The following TMEM123 variants were observed in gnomAD, a reference collection of about 807,000 sequenced individuals.
The protein encoded by TMEM123 is transmembrane protein 123, also known as porimin.
Under a neutral mutation model 19.7 loss-of-function variants are expected in TMEM123, and 16 were observed. That is an observed-to-expected ratio of 0.81 (90% CI 0.55 to 1.23). The LOEUF is 1.23. Among genes scored for constraint, TMEM123 ranks in the 50% most tolerant of loss-of-function variants. The probability of loss-of-function intolerance (pLI) is 0.00; values close to 1 mark genes in which losing one functional copy is unlikely to be tolerated. For synonymous variants in TMEM123, 118 were observed against 99.4 expected (o/e 1.19, Z -1.12); for missense variants, 313 against 257.8 (o/e 1.21, Z -1.47).
chr11:102,418,068 C>T (rs1952055626), intron 2 of TMEM123, among the ~76,000 whole-genome samples: 1 of 22,280 alleles, frequency 4.5e-5, no homozygotes, highest in Non-Finnish European at 9.4e-5. Flanking sequence ...GGGAGGGAAG[C>T]AGAAAAAAAA....
At chr11:102,448,465 C>T (rs1482456788) in intron 2 of TMEM123, 1 of 335,566 alleles carries the variant, frequency 3.0e-6, no homozygotes, top group East Asian at 7.6e-5. Flanking sequence ...TGACTTGTTT[C>T]ATCAATAGGA....
At chr11:102,401,818 A>AT in intron 3 of TMEM123, 98 bp downstream of exon 3, 1 of 1,510,024 alleles carries the variant, frequency 6.6e-7, no homozygotes, top group East Asian at 2.3e-5. Flanking sequence ...CTAGGCATAT[A>AT]AAGTTTCTAT....
At chr11:102,433,104 G>A (rs1038796714) in intron 2 of TMEM123, among the ~76,000 whole-genome samples, 1 of 151,988 alleles carries the variant, frequency 6.6e-6, no homozygotes, top group Non-Finnish European at 1.5e-5. Context: ...CCTCACACAG[G>A]GTCCCCACTG....
At chr11:102,404,661 G>T (rs991901518) in intron 2 of TMEM123, among the ~76,000 whole-genome samples, 1 of 151,984 alleles carries the variant, frequency 6.6e-6, no homozygotes, top group Admixed American at 6.6e-5. Flanking sequence ...GCCGGTGCCT[G>T]CGATCTCGGC....
chr11:102,437,409 G>C (rs149472985), intron 2 of TMEM123, among the ~76,000 whole-genome samples: 135 of 148,404 alleles, frequency 9.1e-4, no homozygotes, highest in Middle Eastern at 3.4e-3. Flanking sequence ...AGTGAGTTGA[G>C]ATCGAGCCAC....
At chr11:102,442,150 G>C (rs1033011131) in intron 2 of TMEM123, among the ~76,000 whole-genome samples, 1 of 152,222 alleles carries the variant, frequency 6.6e-6, no homozygotes, top group Non-Finnish European at 1.5e-5. Flanking sequence ...CACTCCTTCT[G>C]AAACTATTCC....
chr11:102,431,882 A>T (rs1857714116), intron 2 of TMEM123, among the ~76,000 whole-genome samples: 1 of 152,030 alleles, frequency 6.6e-6, no homozygotes, highest in Non-Finnish European at 1.5e-5. Context: ...AGGAGATCTG[A>T]TGGTTTTTTA....
intron 2 of TMEM123, among the ~76,000 whole-genome samples, chr11:102,429,462 C>T (rs572921629): frequency 1.3e-5 from 2 of 152,218 alleles, no homozygotes; most frequent in African/African-American, 4.8e-5. Context: ...CAAGTTTTGG[C>T]GTACAAAATG....
chr11:102,448,848 A>G lies in TMEM123; in HGVS notation c.121T>C (p.Ser41Pro). 1 of 1,613,828 alleles carries G rather than the reference A, an allele frequency of 6.2e-7. No homozygotes were observed. The highest frequency in any genetic ancestry group is 8.5e-7 in the Non-Finnish European group (1 of 1,179,804). The change falls in exon 2 of 5, where the codon TCT becomes CCT. Residue 41 changes from serine (S) to proline (P), a missense_variant. By Grantham distance (74) the Ser-to-Pro change is moderately conservative. Coordinates refer to ENST00000398136, the MANE Select transcript of TMEM123 (RefSeq NM_052932.3). ...AMAASANIEN[S>P]GLPHNSSANS... ...GCACTGGAGTTGTGTGGAAGCCCAG[A>G]ATTCTCTATGTTTGCAGATGCTGTA... is the stretch of plus-strand genomic sequence containing the variant.
intron 1 of TMEM123, among the ~76,000 whole-genome samples, chr11:102,450,179 C>T (rs1857924013): frequency 6.6e-6 from 1 of 152,190 alleles, no homozygotes; most frequent in African/African-American, 2.4e-5. Flanking sequence ...GCTGGGCTAA[C>T]ACAACAGCCT....
chr11:102,436,782 T>G (rs1303593717), intron 2 of TMEM123, among the ~76,000 whole-genome samples: 1 of 152,202 alleles, frequency 6.6e-6, no homozygotes, highest in Non-Finnish European at 1.5e-5. Context: ...CAAGCCTGCC[T>G]GCTCTCTGTG....
chr11:102,398,975 A>C (rs1951885691), intron 4 of TMEM123, 84 bp from the exon 5 acceptor site: 11 of 1,251,982 alleles, frequency 8.8e-6, no homozygotes, highest in African/African-American at 6.0e-5. Context: ...GTAAAGTAGG[A>C]TTAGAACAAT....
At position 102,452,760 on chromosome 11, in the gene TMEM123, C is replaced by A. The variant is rs1021002379; in HGVS notation, c.-137G>T. The A allele has an allele frequency of 5.0e-5, 31 of 617,344 alleles. No individual in the cohort carries two copies. Among genetic ancestry groups the A allele is most frequent in the Non-Finnish European group, 6.0e-5 (25 of 414,712 alleles). 38.2% of individuals were successfully genotyped at this position (617,344 alleles called of 1,614,324 possible). On this transcript the variant is annotated 5_prime_UTR_variant, in exon 1 of 5. Coordinates refer to ENST00000398136, the MANE Select transcript of TMEM123 (RefSeq NM_052932.3). ...CGTTTCCCCTCCCGCCGCTTGCCCC[C>A]CGAATGACCAAATAGGGCGCAGGAG...
intron 1 of TMEM123, among the ~76,000 whole-genome samples, chr11:102,450,816 G>C (rs1857930151): frequency 6.6e-6 from 1 of 152,172 alleles, no homozygotes; most frequent in Non-Finnish European, 1.5e-5. Context: ...GGGATGCACA[G>C]AATATGTACC....
intron 2 of TMEM123, among the ~76,000 whole-genome samples, chr11:102,428,442 C>T (rs1048001559): frequency 2.0e-5 from 3 of 151,740 alleles, no homozygotes; most frequent in African/African-American, 7.3e-5. Context: ...GCTGGGATTA[C>T]AGGTGCCTGC....
chr11:102,401,497 C>A, intron 4 of TMEM123, 42 bp downstream of exon 4: 1 of 1,509,706 alleles, frequency 6.6e-7, no homozygotes, highest in Non-Finnish European at 8.8e-7. Flanking sequence ...AAGATGTGCA[C>A]CAACAATTTT....
At chr11:102,440,969 G>C (rs1857819670) in intron 2 of TMEM123, among the ~76,000 whole-genome samples, 1 of 152,106 alleles carries the variant, frequency 6.6e-6, no homozygotes. Context: ...AATGGTAAAG[G>C]GATCCATTCA....
At chr11:102,425,726 G>A (rs1952121228) in intron 2 of TMEM123, among the ~76,000 whole-genome samples, 1 of 151,976 alleles carries the variant, frequency 6.6e-6, no homozygotes, top group African/African-American at 2.4e-5. Context: ...TGAGGCTACA[G>A]GCATGTGCCA....
chr11:102,413,482 T>C (rs550489012), intron 2 of TMEM123, among the ~76,000 whole-genome samples: 85 of 152,276 alleles, frequency 5.6e-4, no homozygotes, highest in African/African-American at 1.9e-3. Flanking sequence ...CACCCCCACA[T>C]TGGAATGTTA....
Sources: gnomAD v4.1 joint callset for allele counts (sites outside exome capture counted in the v4.1 genomes callset) on GRCh38, gnomAD v4.1.1 for gene constraint, MANE v1.5 for transcripts, NCBI Gene and HGNC (gene_info 2026-07-23, HGNC 2026-07-21) for gene names.